The following TMPRSS7 variants were observed in gnomAD, a reference collection of about 807,000 sequenced individuals.
TMPRSS7 encodes transmembrane serine protease 7.
Under a neutral mutation model 95.6 loss-of-function variants are expected in TMPRSS7, and 81 were observed. That is an observed-to-expected ratio of 0.85 (90% CI 0.71 to 1.02). The LOEUF (loss-of-function observed/expected upper bound fraction) is 1.02, where lower values mean the gene tolerates loss of function less well. Ranked by LOEUF, TMPRSS7 falls within the 50% of genes least tolerant of loss-of-function variation. TMPRSS7 has a pLI of 0.00. For synonymous variants in TMPRSS7, 364 were observed against 337.8 expected (o/e 1.08, Z -0.85); for missense variants, 945 against 955.2 (o/e 0.99, Z 0.14).
At chr3:112,062,621 C>T (rs1450796893) in intron 11 of TMPRSS7, among the ~76,000 whole-genome samples, 2 of 152,186 alleles carry the variant, frequency 1.3e-5, no homozygotes, top group Admixed American at 1.3e-4. Context: ...CCTAATAGAT[C>T]TTCTTCTAGA....
At chr3:112,050,815 T>C (rs2073338776) in intron 9 of TMPRSS7, 32 bp downstream of exon 9, 1 of 1,123,790 alleles carries the variant, frequency 8.9e-7, no homozygotes, top group Non-Finnish European at 1.3e-6. Context: ...CTTAGAAAAA[T>C]ATTACTGCTC....
chr3:112,044,652 T>G (rs1303017282), intron 4 of TMPRSS7, among the ~76,000 whole-genome samples: 1 of 152,166 alleles, frequency 6.6e-6, no homozygotes, highest in Non-Finnish European at 1.5e-5. Context: ...TTTCTTAATG[T>G]TCAGTGAAAA....
intron 13 of TMPRSS7, among the ~76,000 whole-genome samples, chr3:112,072,360 C>T (rs1332505622): frequency 2.6e-5 from 4 of 152,182 alleles, no homozygotes; most frequent in Admixed American, 6.5e-5. Flanking sequence ...GAGGGGCACC[C>T]GCCTATATGA....
intron 10 of TMPRSS7, among the ~76,000 whole-genome samples, chr3:112,060,574 G>A (rs977995700): frequency 1.7e-4 from 26 of 152,344 alleles, no homozygotes; most frequent in African/African-American, 6.0e-4. Flanking sequence ...GAGAAATATG[G>A]CTGTGTTCTG....
chr3:112,045,487 T>C (rs1363755888), intron 4 of TMPRSS7, among the ~76,000 whole-genome samples: 2 of 152,248 alleles, frequency 1.3e-5, no homozygotes, highest in South Asian at 2.1e-4. Flanking sequence ...CTGATTGATA[T>C]CCATAGAAAT....
intron 15 of TMPRSS7, 119 bp from the exon 16 acceptor site, chr3:112,076,757 A>T (rs894477735): frequency 8.2e-7 from 1 of 1,218,934 alleles, no homozygotes; most frequent in African/African-American, 1.5e-5. Context: ...CAGTGACTAT[A>T]ATAACACCCT....
intron 16 of TMPRSS7, among the ~76,000 whole-genome samples, chr3:112,078,411 T>C (rs1481342805): frequency 3.9e-5 from 6 of 152,198 alleles, no homozygotes; most frequent in African/African-American, 1.4e-4. Context: ...TCTTGAATAG[T>C]AGATATTAGT....
At chr3:112,068,663 T>C (rs2073605758) in intron 13 of TMPRSS7, among the ~76,000 whole-genome samples, 1 of 152,208 alleles carries the variant, frequency 6.6e-6, no homozygotes, top group East Asian at 1.9e-4. Flanking sequence ...GTGATTTTTG[T>C]ACATTGATTT....
At chr3:112,066,365 A>G (rs1213051521) in intron 12 of TMPRSS7, 27 bp from the exon 13 acceptor site, 1 of 1,607,362 alleles carries the variant, frequency 6.2e-7, no homozygotes, top group East Asian at 2.2e-5. Context: ...AGGCTCGTGA[A>G]CTTTCTGTTT....
At chr3:112,063,219 G>A (rs1014702544) in intron 11 of TMPRSS7, among the ~76,000 whole-genome samples, 24 of 151,604 alleles carry the variant, frequency 1.6e-4, no homozygotes, top group African/African-American at 4.4e-4. Context: ...CATTCTTCAG[G>A]TATATGACAA....
intron 9 of TMPRSS7, among the ~76,000 whole-genome samples, chr3:112,052,718 G>A (rs1222961918): frequency 6.6e-6 from 1 of 152,194 alleles, no homozygotes; most frequent in Non-Finnish European, 1.5e-5. Context: ...TTGAGCTTGT[G>A]TGATAGCAGA....
rs573358369 is a variant in TMPRSS7 at position 112,061,438 on chromosome 3, G to A, written c.1311-349G>A. On this transcript the variant is annotated intron_variant, in intron 10 of 17. Coordinates refer to ENST00000452346, the Ensembl canonical transcript of TMPRSS7. ...GAACTCCACTTTGCTTGGCAGAGCG[G>A]CTTGTTGACAAAAGCAGGCAATTCT... Among the ~76,000 whole-genome samples the A allele has an allele frequency of 3.9e-5, 6 of 152,270 alleles. No individual in the cohort carries two copies. The South Asian group carries it at 1.2e-3, about 32-fold the overall frequency.
chr3:112,059,320 T>C (rs1559958645), intron 10 of TMPRSS7, among the ~76,000 whole-genome samples: 1 of 152,230 alleles, frequency 6.6e-6, no homozygotes, highest in East Asian at 1.9e-4. Flanking sequence ...TCACTTGTCA[T>C]GTGTCTGTCT....
Position 112,061,862 on chromosome 3 carries a change from C to A in TMPRSS7, c.1386C>A (p.Cys462Ter). The A allele has an allele frequency of 6.2e-7, 1 of 1,612,254 alleles. No individual in the cohort carries two copies. The change falls in exon 11 of 18, where the codon TGC becomes TGA. Residue 462 changes from cysteine to a stop codon, truncating the protein, a stop_gained. Coordinates refer to ENST00000452346, the Ensembl canonical transcript of TMPRSS7. LOFTEE classifies it high-confidence loss of function. ...CTCTGGTTCACATTCAGCTCCAGTG[C>A]AGTTCAAGGCTTTCAGACAAGCCAC...
intron 13 of TMPRSS7, among the ~76,000 whole-genome samples, chr3:112,071,339 T>C (rs1205347679): frequency 3.3e-5 from 5 of 152,238 alleles, no homozygotes; most frequent in African/African-American, 4.8e-5. Context: ...GGGCTTCCCT[T>C]TGTGGGTAAC....
intron 10 of TMPRSS7, among the ~76,000 whole-genome samples, chr3:112,061,061 T>C (rs1012553368): frequency 1.6e-4 from 24 of 152,138 alleles, no homozygotes; most frequent in African/African-American, 5.8e-4. Flanking sequence ...CCCATCAAGA[T>C]CTTTCAGGTT....
chr3:112,077,337 G>A (rs1438692850), intron 16 of TMPRSS7, among the ~76,000 whole-genome samples, 193 bp downstream of exon 16: 1 of 152,210 alleles, frequency 6.6e-6, no homozygotes, highest in Non-Finnish European at 1.5e-5. Flanking sequence ...TTTAAAAGAA[G>A]CAGGGCTCAC....
chr3:112,059,368 A>G (rs945195747), intron 10 of TMPRSS7, among the ~76,000 whole-genome samples: 1 of 152,010 alleles, frequency 6.6e-6, no homozygotes, highest in Non-Finnish European at 1.5e-5. Context: ...CGTGTTTCTC[A>G]GTTTTAAAAC....
At chr3:112,056,962 G>C in intron 9 of TMPRSS7, 63 bp from the exon 10 acceptor site, 1 of 1,187,438 alleles carries the variant, frequency 8.4e-7, no homozygotes, top group African/African-American at 1.5e-5. Flanking sequence ...ACAAGCCAAG[G>C]GAATAAGTAA....
Sources: allele counts gnomAD v4.1 joint callset (sites outside exome capture counted in the v4.1 genomes callset), GRCh38; gene constraint gnomAD v4.1.1; transcripts MANE v1.5; gene names NCBI Gene and HGNC (gene_info 2026-07-23, HGNC 2026-07-21).